Variants in ARID3A observed in about 807,000 individuals in gnomAD.
The protein encoded by ARID3A is AT-rich interactive domain-containing protein 3A.
A neutral mutation model predicts 52.7 loss-of-function variants in ARID3A; 11 were observed. The observed-to-expected ratio is 0.21, with a 90% CI of 0.13 to 0.35. The LOEUF (loss-of-function observed/expected upper bound fraction) is 0.35. Among genes scored for constraint, ARID3A ranks in the 10% least tolerant of loss-of-function variants. ARID3A has a pLI of 1.00. For missense variants in ARID3A, 721 were observed against 838.5 expected (o/e 0.86, Z 1.73); for synonymous variants, 404 against 359.4 (o/e 1.12, Z -1.40).
At chr19:943,830 C>G (rs1023838009) in intron 3 of ARID3A, among the ~76,000 whole-genome samples, 1 of 152,248 alleles carries the variant, frequency 6.6e-6, no homozygotes, top group Non-Finnish European at 1.5e-5. Context: ...CTGTGCCTCC[C>G]TGGGCACACA....
At chr19:943,390 G>A (rs892203709) in intron 3 of ARID3A, among the ~76,000 whole-genome samples, 3 of 151,852 alleles carry the variant, frequency 2.0e-5, no homozygotes, top group Admixed American at 1.3e-4. Flanking sequence ...CCAACATGGT[G>A]AAACCCCGTC....
chr19:940,824 C>A (rs897482267), intron 3 of ARID3A, among the ~76,000 whole-genome samples: 5 of 152,132 alleles, frequency 3.3e-5, no homozygotes, highest in African/African-American at 1.2e-4. Flanking sequence ...CGGGAAGCCC[C>A]CTGGGCACCT....
At chr19:953,134 C>T (rs1420397007) in intron 3 of ARID3A, among the ~76,000 whole-genome samples, 2 of 152,000 alleles carry the variant, frequency 1.3e-5, no homozygotes. Context: ...CTCCCTGGTT[C>T]TAGGGGTGGT....
Position 974,369 on chromosome 19 carries a change from GGGGT to G in ARID3A, c.*2306_*2309del. ...GTAGCAGCACAATCACCCCGGGAAG[GGGGT>G]GTCTGTTTGCCTCCAGACACAATCG... On this transcript the variant is annotated 3_prime_UTR_variant, in exon 9 of 9. Transcript: ENST00000263620. 1 of 229,762 alleles carries G rather than the reference GGGGT, an allele frequency of 4.4e-6. No individual in the cohort carries two copies. Among genetic ancestry groups the G allele is most frequent in the East Asian group, 6.1e-5 (1 of 16,268 alleles). The allele number at this position is 229,762 out of a possible 1,614,324, so 14.2% of individuals were successfully genotyped here.
chr19:945,619 C>T (rs892089507), intron 3 of ARID3A, among the ~76,000 whole-genome samples: 3 of 152,146 alleles, frequency 2.0e-5, no homozygotes, highest in Admixed American at 6.5e-5. Flanking sequence ...CAAGGGACCC[C>T]GGACCCTGAG....
At chr19:936,498 C>T (rs766790745) in intron 3 of ARID3A, among the ~76,000 whole-genome samples, 3 of 151,868 alleles carry the variant, frequency 2.0e-5, no homozygotes, top group Admixed American at 6.6e-5. Context: ...GAGCCGTGAT[C>T]GCGCCACCAC....
chr19:952,635 C>T (rs967683166), intron 3 of ARID3A, among the ~76,000 whole-genome samples: 8 of 152,244 alleles, frequency 5.3e-5, no homozygotes, highest in African/African-American at 1.9e-4. Flanking sequence ...CCAAAGAGAG[C>T]GTCTGAAGGG....
chr19:970,498 C>CTTTTTT (rs1177419405), intron 8 of ARID3A, among the ~76,000 whole-genome samples: 6 of 88,348 alleles, frequency 6.8e-5, no homozygotes, highest in Non-Finnish European at 1.4e-4. Flanking sequence ...AATAGTTTTT[C>CTTTTTT]TTTTTTTTTT....
intron 3 of ARID3A, among the ~76,000 whole-genome samples, chr19:936,704 T>C (rs897508674): frequency 3.3e-5 from 5 of 151,976 alleles, no homozygotes; most frequent in Non-Finnish European, 7.4e-5. Flanking sequence ...TAGCCGGGCG[T>C]GGCAGCACGC....
In ARID3A at chr19:964,821, T is replaced by A. The variant is rs1390662129; in HGVS notation, c.951-12T>A. ...ACCCGGGTGCCATCCTCTTCCCTCG[T>A]CCCACCCACAGATACATGAAGTACC... On this transcript the variant is annotated splice_polypyrimidine_tract_variant and intron_variant, in intron 5 of 8. Coordinates refer to ENST00000263620, the MANE Select transcript of ARID3A (RefSeq NM_005224.3). This position sits in a 1 kb window ranked among gnomAD's most constrained non-coding sequence, Gnocchi z 5.7. 6.2e-7 allele frequency: 1 copy of A among 1,608,604 alleles called. No homozygotes were observed. Among genetic ancestry groups the A allele is most frequent in the Non-Finnish European group, 8.5e-7 (1 of 1,175,672 alleles).
chr19:939,697 A>G (rs10414193), intron 3 of ARID3A, among the ~76,000 whole-genome samples: 28,238 of 151,896 alleles, frequency 0.19, 3,136 homozygotes, highest in East Asian at 0.45. Context: ...GTTCCGAGCC[A>G]CCTGGTTCTT....
intron 3 of ARID3A, among the ~76,000 whole-genome samples, chr19:955,757 A>G (rs1007487566): frequency 2.0e-5 from 3 of 152,178 alleles, no homozygotes; most frequent in Non-Finnish European, 4.4e-5. Flanking sequence ...TCAGAATCTC[A>G]GAGGAGAGGA....
At chr19:935,218 TCTG>T (rs2145365077) in intron 3 of ARID3A, among the ~76,000 whole-genome samples, 2 of 152,356 alleles carry the variant, frequency 1.3e-5, no homozygotes, top group South Asian at 4.1e-4. Context: ...GCTGTGAAAT[TCTG>T]CTGTCGGCTG....
At chr19:957,117 G>C (rs1361203634) in intron 3 of ARID3A, among the ~76,000 whole-genome samples, 2 of 152,134 alleles carry the variant, frequency 1.3e-5, no homozygotes, top group East Asian at 1.9e-4. Flanking sequence ...TGTGGGTGGG[G>C]GGGGGCGCTG....
At chr19:965,349 A>G (rs549488889) in intron 6 of ARID3A, 2 of 444,882 alleles carry the variant, frequency 4.5e-6, no homozygotes, top group South Asian at 3.2e-5. Context: ...TTACTAATTG[A>G]TCACTGTTTT....
chr19:926,513 T>G (rs972437272), intron 1 of ARID3A, among the ~76,000 whole-genome samples: 6 of 151,628 alleles, frequency 4.0e-5, no homozygotes, highest in Non-Finnish European at 5.9e-5. Flanking sequence ...ACCCCGATAT[T>G]TTATTTCATT....
chr19:974,671 C>T lies in ARID3A; in HGVS notation c.*2606C>T, dbSNP rs1169533336. 4.3e-6 allele frequency: 1 copy of T among 231,146 alleles called. No homozygotes were observed. Among genetic ancestry groups the T allele is most frequent in the African/African-American group, 2.2e-5 (1 of 45,134 alleles). 14.3% of individuals were successfully genotyped at this position (231,146 alleles called of 1,614,324 possible). On this transcript the variant is annotated 3_prime_UTR_variant, in exon 9 of 9. Coordinates refer to ENST00000263620, the MANE Select transcript of ARID3A (RefSeq NM_005224.3). ...CCTGGACCCCTGGGGCCCCCGTGCA[C>T]CTGCCCACCTCGGAGCCTGGGGAGG...
At chr19:965,136 T>G (rs1356565577) in intron 6 of ARID3A, 56 bp downstream of exon 6, 1 of 1,527,188 alleles carries the variant, frequency 6.5e-7, no homozygotes, top group Non-Finnish European at 8.8e-7. Flanking sequence ...AGCCTGGCTG[T>G]CTGACCTTGG....
intron 3 of ARID3A, among the ~76,000 whole-genome samples, chr19:956,974 G>A (rs1568367934): frequency 6.6e-6 from 1 of 152,224 alleles, no homozygotes; most frequent in Non-Finnish European, 1.5e-5. Context: ...CCACTGCCCA[G>A]CCAGCCACAT....
Sources: gnomAD v4.1 joint callset for allele counts (sites outside exome capture counted in the v4.1 genomes callset) on GRCh38, gnomAD v4.1.1 for gene constraint, Gnocchi (gnomAD v3.1) non-coding constraint, MANE v1.5 for transcripts, NCBI Gene and HGNC (gene_info 2026-07-23, HGNC 2026-07-21) for gene names.